The following RAB27A variants were observed in gnomAD, a reference collection of about 807,000 sequenced individuals.
The protein encoded by RAB27A is RAB27A, member RAS oncogene family.
RAB27A carries 17 observed loss-of-function variants against 20.8 expected under a neutral mutation model. The ratio of observed to expected loss-of-function variants is 0.82; its 90% CI spans 0.56 to 1.23. The LOEUF (loss-of-function observed/expected upper bound fraction) is 1.23, where lower values mean the gene tolerates loss of function less well. RAB27A is among the 50% of genes most tolerant of loss of function. The pLI, the probability that RAB27A is intolerant of heterozygous loss-of-function variation, is 0.00. For missense variants in RAB27A, 277 were observed against 266.7 expected (o/e 1.04, Z -0.27); for synonymous variants, 85 against 92.8 (o/e 0.92, Z 0.48).
chr15:55,284,157 C>T (rs1037536572), intron 1 of RAB27A, among the ~76,000 whole-genome samples: 1 of 152,176 alleles, frequency 6.6e-6, no homozygotes, highest in African/African-American at 2.4e-5. Flanking sequence ...ATTTTCAAGG[C>T]TGCTTTCTTT....
chr15:55,213,624 C>A (rs1342537823), intron 6 of RAB27A, among the ~76,000 whole-genome samples: 1 of 152,168 alleles, frequency 6.6e-6, no homozygotes, highest in Non-Finnish European at 1.5e-5. Flanking sequence ...AGCTCTGTCT[C>A]CTGTCAGATT....
At chr15:55,247,678 C>T (rs1220541470) in intron 2 of RAB27A, among the ~76,000 whole-genome samples, 1 of 152,108 alleles carries the variant, frequency 6.6e-6, no homozygotes, top group African/African-American at 2.4e-5. Flanking sequence ...TTCTTTCCTT[C>T]CAAGAAACAT....
chr15:55,272,258 G>C (rs538000039), intron 1 of RAB27A, among the ~76,000 whole-genome samples: 73 of 152,258 alleles, frequency 4.8e-4, no homozygotes, highest in African/African-American at 1.6e-3. Flanking sequence ...AATTAGCCAG[G>C]TGTGGTGGCG....
chr15:55,232,870 C>T (rs1204010493), intron 3 of RAB27A, among the ~76,000 whole-genome samples: 1 of 151,974 alleles, frequency 6.6e-6, no homozygotes, highest in African/African-American at 2.4e-5. Flanking sequence ...GCCTGTAATC[C>T]CTCAGCACTT....
At chr15:55,228,575 G>A (rs749810327) in intron 5 of RAB27A, 34 bp downstream of exon 5, 17 of 1,452,898 alleles carry the variant, frequency 1.2e-5, no homozygotes, top group Admixed American at 1.7e-5. Flanking sequence ...AGAGGGGACT[G>A]TGTAGCAGGA....
At chr15:55,280,210 T>A (rs186056845) in intron 1 of RAB27A, among the ~76,000 whole-genome samples, 54 of 152,278 alleles carry the variant, frequency 3.5e-4, no homozygotes, top group African/African-American at 1.2e-3. Flanking sequence ...CTGAGAATCT[T>A]ACTATGTTGT....
intron 2 of RAB27A, among the ~76,000 whole-genome samples, chr15:55,298,204 C>CAAA (rs545657585): frequency 4.7e-5 from 3 of 63,494 alleles, no homozygotes; most frequent in Middle Eastern, 8.8e-3. Flanking sequence ...GACTCCGTCT[C>CAAA]AAAAAAAAAA....
chr15:55,273,462 A>G (rs1311320441), intron 1 of RAB27A, among the ~76,000 whole-genome samples: 4 of 152,006 alleles, frequency 2.6e-5, no homozygotes, highest in African/African-American at 9.7e-5. Context: ...GAATGACAGA[A>G]TATATATAAA....
chr15:55,253,646 C>T (rs1012278615), intron 2 of RAB27A, among the ~76,000 whole-genome samples: 1 of 151,956 alleles, frequency 6.6e-6, no homozygotes, highest in Non-Finnish European at 1.5e-5. Flanking sequence ...CTTAACATGC[C>T]TCTGAGAAAG....
chr15:55,302,990 G>C (rs1210759198), intron 2 of RAB27A, among the ~76,000 whole-genome samples: 1 of 142,120 alleles, frequency 7.0e-6, no homozygotes, highest in Admixed American at 6.8e-5. Context: ...GGTGGGGGGG[G>C]GTCAACCCCC....
At chr15:55,257,160 G>C (rs1897109637) in intron 2 of RAB27A, among the ~76,000 whole-genome samples, 1 of 152,104 alleles carries the variant, frequency 6.6e-6, no homozygotes, top group Non-Finnish European at 1.5e-5. Context: ...GAAAGAGTTG[G>C]AATGGGCATA....
chr15:55,287,017 T>C (rs542864703), intron 1 of RAB27A, among the ~76,000 whole-genome samples: 24 of 147,832 alleles, frequency 1.6e-4, no homozygotes, highest in Non-Finnish European at 3.3e-4. Flanking sequence ...CCTCCTGGGT[T>C]CAAGCGATTC....
chr15:55,225,445 C>A (rs1452921827), intron 5 of RAB27A, among the ~76,000 whole-genome samples: 1 of 152,164 alleles, frequency 6.6e-6, no homozygotes, highest in Non-Finnish European at 1.5e-5. Flanking sequence ...AGACTGTGAG[C>A]CACCAGCCTT....
intron 2 of RAB27A, among the ~76,000 whole-genome samples, chr15:55,265,181 G>A (rs1897421082): frequency 6.6e-6 from 1 of 152,160 alleles, no homozygotes; most frequent in Non-Finnish European, 1.5e-5. Flanking sequence ...GGCGGAGGTT[G>A]CAGCCAGCCG....
At chr15:55,212,502 A>G (rs908141399) in intron 6 of RAB27A, among the ~76,000 whole-genome samples, 18 of 151,800 alleles carry the variant, frequency 1.2e-4, no homozygotes, top group Non-Finnish European at 2.6e-4. Flanking sequence ...TCTGAATTTT[A>G]CAGCATCAAG....
intron 2 of RAB27A, among the ~76,000 whole-genome samples, chr15:55,239,199 C>T (rs73409880): frequency 0.011 from 1,599 of 152,234 alleles, 37 homozygotes; most frequent in African/African-American, 0.037. Flanking sequence ...CTACCTCTAT[C>T]GAACTGCTGG....
chr15:55,277,123 G>C (rs575281607), intron 1 of RAB27A, among the ~76,000 whole-genome samples: 1 of 152,124 alleles, frequency 6.6e-6, no homozygotes, highest in Non-Finnish European at 1.5e-5. Context: ...TGGCAGGGGT[G>C]GATGGAGCAA....
intron 2 of RAB27A, among the ~76,000 whole-genome samples, chr15:55,264,527 G>A (rs1338625207): frequency 2.6e-5 from 4 of 152,092 alleles, no homozygotes; most frequent in South Asian, 2.1e-4. Flanking sequence ...TCAAAATTAC[G>A]AAGCATAGGA....
upstream of RAB27A, chr15:55,290,334 G>T (rs889120680): frequency 1.2e-4 from 18 of 152,360 alleles, no homozygotes; most frequent in African/African-American, 3.8e-4. Context: ...TCCCGCCCCT[G>T]CGGCTCCTGG....
Sources: allele counts gnomAD v4.1 joint callset (sites outside exome capture counted in the v4.1 genomes callset), GRCh38; gene constraint gnomAD v4.1.1; transcripts MANE v1.5; gene names NCBI Gene and HGNC (gene_info 2026-07-23, HGNC 2026-07-21).